FAN1: variants seen among roughly 807,000 people sequenced by gnomAD.
FAN1 encodes fanconi-associated nuclease 1.
In FAN1, 91 loss-of-function variants were observed where a neutral mutation model predicts 104.9. That is an observed-to-expected ratio of 0.87 (90% CI 0.73 to 1.03). The LOEUF is 1.03. FAN1 is among the 50% of genes least tolerant of loss of function. FAN1 has a pLI of 0.00. For synonymous variants in FAN1, 478 were observed against 457.6 expected (o/e 1.04, Z -0.57); for missense variants, 1,263 against 1,239.9 (o/e 1.02, Z -0.28).
At position 30,904,641 on chromosome 15, in the gene FAN1, A is replaced by G; in HGVS notation, c.-23A>G. 6.2e-7 allele frequency: 1 copy of G among 1,607,786 alleles called. No homozygotes were observed. The highest frequency in any genetic ancestry group is 2.2e-5 in the East Asian group (1 of 44,854). On this transcript the variant is annotated 5_prime_UTR_variant, in exon 2 of 15. Coordinates refer to ENST00000362065, the MANE Select transcript of FAN1 (RefSeq NM_014967.5). ...AAATATCCTGTGTTTTATTGCTCAG[A>G]ACATCCAGTTTTTCTAATACTCATG... is the stretch of plus-strand genomic sequence containing the variant.
Position 30,925,863 on chromosome 15 carries a change from C to T in FAN1, c.2412C>T (p.Ala804=), listed in dbSNP as rs533399444. Residue 804 remains alanine (A), a synonymous_variant, in exon 10 of 15, where the codon GCC becomes GCT. Transcript: ENST00000362065. ...KSVFVMEAGE[A]ADPTTVLCSV... ...TGTTTGTGATGGAGGCCGGGGAGGC[C>T]GCTGACCCCACCACGGTCCTGTGCT... is the stretch of plus-strand genomic sequence containing the variant. The T allele has an allele frequency of 9.9e-5, 160 of 1,614,206 alleles. 1 individual carries two copies. The South Asian group carries it at 1.4e-3, about 14-fold the overall frequency.
Position 30,927,288 on chromosome 15 carries a change from G to A in FAN1, c.2489-1265G>A, listed in dbSNP as rs576079310. ...GATCGTCAGTGTATTCACCAGGACGGAACACTGACTGGAAATCAGGTCCTA... is the reference window on the plus strand; with the variant it reads ...GATCGTCAGTGTATTCACCAGGACGAAACACTGACTGGAAATCAGGTCCTA... On this transcript the variant is annotated intron_variant, in intron 10 of 14. Transcript: ENST00000362065. 7 of 985,468 alleles carry A rather than the reference G, an allele frequency of 7.1e-6. No individual in the cohort carries two copies. The East Asian group carries it at 7.9e-4, about 112-fold the overall frequency. 61.0% of individuals were successfully genotyped at this position (985,468 alleles called of 1,614,324 possible).
intron 2 of FAN1, among the ~76,000 whole-genome samples, chr15:30,907,358 A>G (rs2062004347): frequency 6.6e-6 from 1 of 152,100 alleles, no homozygotes; most frequent in Non-Finnish European, 1.5e-5. Context: ...TCTCTACTAA[A>G]AATACAAAAA....
Position 30,918,126 on chromosome 15 carries a change from T to C in FAN1, c.1812-38T>C, listed in dbSNP as rs2140921087. On this transcript the variant is annotated intron_variant, in intron 5 of 14. Transcript: ENST00000362065. Reference sequence around the variant, plus strand: ...GGATGTGGTCATTCTATGGGAATGCTCATTCTTATTTGGAACTTGGATGGC... The same window carrying C: ...GGATGTGGTCATTCTATGGGAATGCCCATTCTTATTTGGAACTTGGATGGC... 3 of 1,611,376 alleles carry C rather than the reference T, an allele frequency of 1.9e-6. No individual in the cohort carries two copies. In the East Asian group the frequency reaches 6.7e-5, roughly 36 times the overall value.
rs61439612 is a variant in FAN1, at chr15:30,911,376, G to A, written c.1577+561G>A. ...CTCTAGCCTGGGAATTCACTACTGT[G>A]GAGTCGAGGATGAAATGAGAGGATG... is the stretch of plus-strand genomic sequence containing the variant. On this transcript the variant is annotated intron_variant, in intron 4 of 14. Coordinates refer to ENST00000362065, the MANE Select transcript of FAN1 (RefSeq NM_014967.5). 5,217 of 984,868 alleles carry A rather than the reference G, an allele frequency of 5.3e-3. 209 individuals are homozygous for A. In the African/African-American group the frequency reaches 0.084, roughly 16 times the overall value. 61.0% of individuals were successfully genotyped at this position (984,868 alleles called of 1,614,324 possible).
intron 13 of FAN1, among the ~76,000 whole-genome samples, chr15:30,931,922 A>G (rs1365528126): frequency 6.6e-5 from 6 of 90,668 alleles, no homozygotes; most frequent in Admixed American, 4.5e-4. Context: ...AGTTTCCAAG[A>G]AAAAAAAAAG....
Position 30,908,229 on chromosome 15 carries a change from A to T in FAN1, c.1346A>T (p.Glu449Val), listed in dbSNP as rs1167096123. Residue 449 changes from glutamate (E) to valine (V), a missense_variant, in exon 3 of 15, where the codon GAA (glutamate) becomes GTA (valine). Around this residue, in one of 2 missense-constraint regions of FAN1, gnomAD observed 682 missense variants for 571.1 expected, o/e 1.19. Coordinates refer to ENST00000362065, the MANE Select transcript of FAN1 (RefSeq NM_014967.5). ...TTAGACTTAACACCTGTGATTGAAGAATTGACGAATGCAGGCTTTCTACAG... is the reference window on the plus strand; with the variant it reads ...TTAGACTTAACACCTGTGATTGAAGTATTGACGAATGCAGGCTTTCTACAG... ...IALDLTPVIE[E>V]LTNAGFLQTE... 2.5e-6 allele frequency: 4 copies of T among 1,607,798 alleles called. No homozygotes were observed. In the African/African-American group the frequency reaches 4.0e-5, roughly 16 times the overall value.
chr15:30,922,502 C>A, intron 8 of FAN1, 148 bp downstream of exon 8: 1 of 854,736 alleles, frequency 1.2e-6, no homozygotes, highest in Non-Finnish European at 1.8e-6. Flanking sequence ...TTCTTCCAAC[C>A]CCAAAAGAAT....
Position 30,922,435 on chromosome 15 carries a change from A to C in FAN1, c.2172+81A>C, listed in dbSNP as rs2062356309. Reference sequence around the variant, plus strand: ...AAATATGGCAAACTTAATGCCTTAAAATTTACATGTAATTAGAACATGTAT... The same window carrying C: ...AAATATGGCAAACTTAATGCCTTAACATTTACATGTAATTAGAACATGTAT... On this transcript the variant is annotated intron_variant, in intron 8 of 14. Coordinates refer to ENST00000362065, the MANE Select transcript of FAN1 (RefSeq NM_014967.5). 3.0e-6 allele frequency: 4 copies of C among 1,341,360 alleles called. No individual in the cohort carries two copies. The South Asian group carries it at 4.0e-5, about 13-fold the overall frequency. 83.1% of individuals were successfully genotyped at this position (1,341,360 alleles called of 1,614,324 possible).
intron 4 of FAN1, chr15:30,911,184 G>A: frequency 2.0e-6 from 2 of 1,009,900 alleles, no homozygotes; most frequent in Admixed American, 5.8e-5. Flanking sequence ...TAATCAGGCA[G>A]TCTTAATGTG....
intron 7 of FAN1, among the ~76,000 whole-genome samples, chr15:30,921,755 G>A (rs137982768): frequency 6.6e-6 from 1 of 152,216 alleles, no homozygotes; most frequent in Non-Finnish European, 1.5e-5. Context: ...CGAACAGTCT[G>A]TACATAATCT....
rs181059403 is a variant in FAN1, at chr15:30,931,878, T to C, written c.2916+1207T>C. ...TTTTTCAAAGTTGTTCTGGCTCTTT[T>C]GCATTTTTATTTGAATTATAACATC... On this transcript the variant is annotated intron_variant, in intron 13 of 14. Coordinates refer to ENST00000362065, the MANE Select transcript of FAN1 (RefSeq NM_014967.5). Among the ~76,000 whole-genome samples the C allele has an allele frequency of 5.9e-5, 9 of 152,108 alleles. No individual in the cohort carries two copies. In the East Asian group the frequency reaches 1.7e-3, roughly 29 times the overall value.
chr15:30,914,213 C>T, intron 5 of FAN1, 122 bp downstream of exon 5: 1 of 684,632 alleles, frequency 1.5e-6, no homozygotes, highest in Non-Finnish European at 2.4e-6. Flanking sequence ...AGTTTTTAAT[C>T]TTTTTTTGCC....
intron 5 of FAN1, 46 bp downstream of exon 5, chr15:30,914,137 A>T (rs2062153644): frequency 7.5e-7 from 1 of 1,335,536 alleles, no homozygotes. Flanking sequence ...TGTATTTCAC[A>T]ATTTAGTAAA....
At chr15:30,936,597 C>T (rs148455267) in intron 13 of FAN1, among the ~76,000 whole-genome samples, 7 of 152,326 alleles carry the variant, frequency 4.6e-5, no homozygotes, top group East Asian at 3.9e-4. Context: ...TACATACAGA[C>T]GCTTCTCAAC....
intron 6 of FAN1, among the ~76,000 whole-genome samples, chr15:30,919,804 G>A (rs1210533467): frequency 6.6e-6 from 1 of 152,132 alleles, no homozygotes; most frequent in Non-Finnish European, 1.5e-5. Flanking sequence ...ACAGCAAATA[G>A]GCTGAGGACG....
At chr15:30,914,360 G>A (rs1388797651) in intron 5 of FAN1, among the ~76,000 whole-genome samples, 1 of 152,092 alleles carries the variant, frequency 6.6e-6, no homozygotes, top group East Asian at 1.9e-4. Flanking sequence ...TTGGAAGGGA[G>A]TATTTTTTGT....
intron 14 of FAN1, chr15:30,939,975 A>T: frequency 3.1e-6 from 3 of 981,606 alleles, no homozygotes; most frequent in Non-Finnish European, 3.6e-6. Context: ...CAGAGACATT[A>T]TCAAATTTTA....
At chr15:30,925,726 G>C in intron 9 of FAN1, 63 bp from the exon 10 acceptor site, 1 of 1,581,458 alleles carries the variant, frequency 6.3e-7, no homozygotes, top group Non-Finnish European at 8.6e-7. Flanking sequence ...CGATGCTACA[G>C]GCAGGTTTTC....
Sources: allele counts gnomAD v4.1 joint callset (sites outside exome capture counted in the v4.1 genomes callset), GRCh38; gene constraint gnomAD v4.1.1; regional missense constraint gnomAD v4.1.1; transcripts MANE v1.5; gene names NCBI Gene and HGNC (gene_info 2026-07-23, HGNC 2026-07-21).